CKAP2: variants seen among roughly 807,000 people sequenced by gnomAD.
CKAP2 encodes cytoskeleton associated protein 2, also known as cytoskeleton-associated protein 2.
A neutral mutation model predicts 58.4 loss-of-function variants in CKAP2; 46 were observed. The observed-to-expected ratio is 0.79, with a 90% confidence interval of 0.62 to 1.01. The LOEUF is 1.01. CKAP2 is among the 50% of genes least tolerant of loss of function. The pLI, the probability that CKAP2 is intolerant of heterozygous loss-of-function variation, is 0.00. For missense variants in CKAP2, 809 were observed against 796.4 expected (o/e 1.02, Z -0.19); for synonymous variants, 293 against 280.9 (o/e 1.04, Z -0.43).
chr13:52,459,385 C>T (rs754655283), intron 2 of CKAP2, among the ~76,000 whole-genome samples: 2 of 152,060 alleles, frequency 1.3e-5, no homozygotes, highest in Non-Finnish European at 2.9e-5. Context: ...TGCAGTGGCG[C>T]GATCTCAGCT....
At position 52,462,537 on chromosome 13, in the gene CKAP2, A is replaced by C. The variant is rs1159676270; in HGVS notation, c.1275A>C (p.Thr425=). The change falls in exon 5 of 9, where the codon ACA becomes ACC. Residue 425 remains threonine (T), a synonymous_variant. Transcript: ENST00000258607. Reference sequence around the variant, plus strand: ...TATTTACTGAAAAAGTAAACAACACATTTTCTGAATGCCTGAACTTGATTA... The same window carrying C: ...TATTTACTGAAAAAGTAAACAACACCTTTTCTGAATGCCTGAACTTGATTA... ...QRLFTEKVNN[T]FSECLNLINE... 6.2e-7 allele frequency: 1 copy of C among 1,613,860 alleles called. No homozygotes were observed. The highest frequency in any genetic ancestry group is 8.5e-7 in the Non-Finnish European group (1 of 1,179,926).
At position 52,461,355 on chromosome 13, in the gene CKAP2, T is replaced by A. The variant is rs1958574521; in HGVS notation, c.529T>A (p.Ser177Thr). Residue 177 changes from serine (S) to threonine (T), a missense_variant, in exon 4 of 9, where the codon TCT (serine) becomes ACT (threonine). By Grantham distance (58) the Ser-to-Thr change is moderately conservative. Around this residue, in one of 3 missense-constraint regions of CKAP2, gnomAD observed 523 missense variants for 492.4 expected, o/e 1.06. Coordinates refer to ENST00000258607, the MANE Select transcript of CKAP2 (RefSeq NM_018204.5). ...CATGCCCAAGAAACCTGTGCTTGGA[T>A]CTTATCGTGGCCAGATTGTTCAGTC... Reference protein sequence around the residue: ...ANMPKKPVLGSYRGQIVQSKI... With the variant: ...ANMPKKPVLGTYRGQIVQSKI... The A allele has an allele frequency of 4.3e-6, 7 of 1,614,190 alleles. No homozygotes were observed. The East Asian group carries it at 1.1e-4, about 26-fold the overall frequency.
At position 52,461,728 on chromosome 13, in the gene CKAP2, C is replaced by T. The variant is rs867730703; in HGVS notation, c.902C>T (p.Thr301Ile). 5 of 1,613,700 alleles carry T rather than the reference C, an allele frequency of 3.1e-6. No homozygotes were observed. The highest frequency in any genetic ancestry group is 4.2e-6 in the Non-Finnish European group (5 of 1,179,740). ...AAAACAGCTTTATCTAGTGTCAAAA[C>T]CAGTTCTTCTCAAGGTATAATAAGA... ...QSKTALSSVK[T>I]SSSQGIIRNK... Residue 301 changes from threonine to isoleucine, a missense_variant, in exon 4 of 9, where the codon ACC (threonine) becomes ATC (isoleucine). Around this residue, in one of 3 missense-constraint regions of CKAP2, gnomAD observed 523 missense variants for 492.4 expected, o/e 1.06. Coordinates refer to ENST00000258607, the MANE Select transcript of CKAP2 (RefSeq NM_018204.5).
chr13:52,464,086 C>A (rs527286932), intron 5 of CKAP2, among the ~76,000 whole-genome samples: 1 of 152,154 alleles, frequency 6.6e-6, no homozygotes, highest in Admixed American at 6.5e-5. Flanking sequence ...ATATGTAATA[C>A]ACTGAGGTGA....
At chr13:52,456,115 T>C (rs1594131410) in intron 1 of CKAP2, 1 of 1,018,284 alleles carries the variant, frequency 9.8e-7, no homozygotes, top group Non-Finnish European at 1.2e-6. Flanking sequence ...AAAACTAATA[T>C]TGTTATTCCC....
intron 2 of CKAP2, among the ~76,000 whole-genome samples, chr13:52,457,240 A>G (rs2137831270): frequency 6.6e-6 from 1 of 152,270 alleles, no homozygotes; most frequent in African/African-American, 2.4e-5. Flanking sequence ...CTAAGAGAAA[A>G]AAACAATTAT....
intron 1 of CKAP2, 62 bp downstream of exon 1, chr13:52,455,688 C>A: frequency 1.4e-6 from 2 of 1,409,252 alleles, no homozygotes; most frequent in East Asian, 5.8e-5. Flanking sequence ...GCGGGCCCGG[C>A]GGTCGGGGCT....
chr13:52,467,686 C>T (rs1276115668), intron 6 of CKAP2, among the ~76,000 whole-genome samples: 2 of 150,846 alleles, frequency 1.3e-5, no homozygotes, highest in African/African-American at 4.9e-5. Flanking sequence ...TCCATCCTGG[C>T]AATAGAGGGA....
intron 2 of CKAP2, among the ~76,000 whole-genome samples, chr13:52,459,239 G>A (rs1958533037): frequency 6.6e-6 from 1 of 152,114 alleles, no homozygotes; most frequent in Non-Finnish European, 1.5e-5. Flanking sequence ...CAAGCTGACA[G>A]AACAAATAGA....
chr13:52,472,236 G>C (rs762293394), intron 7 of CKAP2, among the ~76,000 whole-genome samples: 50 of 152,054 alleles, frequency 3.3e-4, no homozygotes, highest in Admixed American at 6.6e-4. Context: ...TGATGCATTT[G>C]ATTGTACTAT....
rs757527313 is a variant in CKAP2 at position 52,462,477 on chromosome 13, T to C, written c.1215T>C (p.Phe405=). The C allele has an allele frequency of 1.2e-6, 2 of 1,614,118 alleles. No individual in the cohort carries two copies. Among genetic ancestry groups the C allele is most frequent in the Non-Finnish European group, 1.7e-6 (2 of 1,180,002 alleles). Residue 405 remains phenylalanine (F), a synonymous_variant, in exon 5 of 9, where the codon TTT becomes TTC. Coordinates refer to ENST00000258607, the MANE Select transcript of CKAP2 (RefSeq NM_018204.5). The part of the protein sequence containing the change: ...AGQNEKPVGS[F]WTTMAEEDEQ... Reference sequence around the variant, plus strand: ...AAAATGAAAAACCAGTTGGGTCTTTTTGGACTACCATGGCAGAAGAAGATG... The same window carrying C: ...AAAATGAAAAACCAGTTGGGTCTTTCTGGACTACCATGGCAGAAGAAGATG...
chr13:52,474,905 AAG>A lies in CKAP2; in HGVS notation c.1814_1815del (p.Lys605SerfsTer4). On this transcript the variant is annotated frameshift_variant, in exon 9 of 9. Coordinates refer to ENST00000258607, the MANE Select transcript of CKAP2 (RefSeq NM_018204.5). LOFTEE classifies it high-confidence loss of function. ...TTPYLQSVKKKVQFDGTNSAF... is the reference protein window; with the variant it reads ...TTPYLQSVKKXVQFDGTNSAF... ...TGTTTTAATTTTCAGTGTGAAAAAAAAGGTGCAGTTTGATGGAACAAATTCCG... is the reference window on the plus strand; with the variant it reads ...TGTTTTAATTTTCAGTGTGAAAAAAAGTGCAGTTTGATGGAACAAATTCCG... 1 of 1,607,060 alleles carries A rather than the reference AAG, an allele frequency of 6.2e-7. No homozygotes were observed. The highest frequency in any genetic ancestry group is 1.3e-5 in the African/African-American group (1 of 74,708).
At chr13:52,467,054 T>G (rs1421854534) in intron 6 of CKAP2, among the ~76,000 whole-genome samples, 1 of 149,348 alleles carries the variant, frequency 6.7e-6, no homozygotes, top group Non-Finnish European at 1.5e-5. Context: ...GAGCCATGAT[T>G]ATGCCACTGA....
rs761089198 is a variant in CKAP2, at chr13:52,474,893, A to G, written c.1803-2A>G. 6.2e-7 allele frequency: 1 copy of G among 1,606,630 alleles called. No homozygotes were observed. The highest frequency in any genetic ancestry group is 1.7e-5 in the Admixed American group (1 of 59,282). On this transcript the variant is annotated splice_acceptor_variant, in intron 8 of 8. Transcript: ENST00000258607. LOFTEE classifies it high-confidence loss of function. ...ACTCTGGAATATTGTTTTAATTTTC[A>G]GTGTGAAAAAAAAGGTGCAGTTTGA...
intron 7 of CKAP2, among the ~76,000 whole-genome samples, chr13:52,470,464 A>G (rs963126844): frequency 6.6e-6 from 1 of 152,126 alleles, no homozygotes; most frequent in Non-Finnish European, 1.5e-5. Context: ...CCAGAACAGT[A>G]TTAGTACCTT....
In CKAP2 at chr13:52,473,951, C is replaced by T. The variant is rs1958793060; in HGVS notation, c.1669C>T (p.Leu557=). The stretch of plus-strand genomic sequence containing the variant: ...GGAGAGTAAACTTCATAGAAATTTG[C>T]TATTTCAAGATTGTGAAAAAGAGCA... ...EMESKLHRNL[L]FQDCEKEQDN... is the part of the protein sequence containing the mutation. Residue 557 remains leucine, a synonymous_variant, in exon 8 of 9, where the codon CTA becomes TTA. Transcript: ENST00000258607. The T allele has an allele frequency of 3.1e-6, 5 of 1,613,866 alleles. No homozygotes were observed. The highest frequency in any genetic ancestry group is 4.2e-6 in the Non-Finnish European group (5 of 1,179,982).
intron 7 of CKAP2, among the ~76,000 whole-genome samples, chr13:52,470,395 G>A (rs947842688): frequency 1.3e-5 from 2 of 152,040 alleles, no homozygotes; most frequent in African/African-American, 4.8e-5. Flanking sequence ...GTGAGCCACC[G>A]CACCCGGCCA....
rs984437863 is a variant in CKAP2, at chr13:52,475,398, T to C, written c.*257T>C. The C allele has an allele frequency of 2.4e-5, 10 of 413,900 alleles. No individual in the cohort carries two copies. The highest frequency in any genetic ancestry group is 2.0e-4 in the African/African-American group (10 of 50,164). 25.6% of individuals were successfully genotyped at this position (413,900 alleles called of 1,614,324 possible). The stretch of plus-strand genomic sequence containing the variant: ...AGGTAAATTTTGTCAGCTAGTTTAC[T>C]ATGTTCCTTGAATATAAACAGGTTA... On this transcript the variant is annotated 3_prime_UTR_variant, in exon 9 of 9. Transcript: ENST00000258607.
At chr13:52,455,735 C>T in intron 1 of CKAP2, 109 bp downstream of exon 1, 3 of 1,221,584 alleles carry the variant, frequency 2.5e-6, no homozygotes, top group Middle Eastern at 5.8e-4. Flanking sequence ...CTCCCCCGCT[C>T]TGTGAGATCC....
Sources: gnomAD v4.1 joint callset for allele counts (sites outside exome capture counted in the v4.1 genomes callset) on GRCh38, gnomAD v4.1.1 for gene constraint, gnomAD v4.1.1 regional missense constraint, MANE v1.5 for transcripts, NCBI Gene and HGNC (gene_info 2026-07-23, HGNC 2026-07-21) for gene names.